Variants in FBXO15 observed in about 807,000 individuals in gnomAD.
The protein encoded by FBXO15 is F-box only protein 15.
In FBXO15, 30 loss-of-function variants were observed where a neutral mutation model predicts 49.5. The ratio of observed to expected loss-of-function variants is 0.61; its 90% confidence interval spans 0.45 to 0.82. The LOEUF (loss-of-function observed/expected upper bound fraction) is 0.82, where lower values mean the gene tolerates loss of function less well. Among genes scored for constraint, FBXO15 ranks in the 40% least tolerant of loss-of-function variants. FBXO15 has a pLI of 0.00. For synonymous variants in FBXO15, 250 were observed against 232.7 expected, an observed-to-expected ratio of 1.07 and a Z score of -0.68; for missense variants, 591 against 631.5, an observed-to-expected ratio of 0.94 and a Z score of 0.69.
Position 74,125,873 on chromosome 18 carries a change from A to C in FBXO15, c.912+102T>G. 6 of 1,487,864 alleles carry C rather than the reference A, an allele frequency of 4.0e-6. No individual in the cohort carries two copies. The South Asian group carries it at 7.6e-5, about 19-fold the overall frequency. The allele number at this position is 1,487,864 out of a possible 1,614,324, so 92.2% of individuals were successfully genotyped here. ...ATGGTAAAATGGATTGCAGTTAGTGAAAAGCTTAAAGGATTTTACATTTGA... is the reference window on the plus strand; with the variant it reads ...ATGGTAAAATGGATTGCAGTTAGTGCAAAGCTTAAAGGATTTTACATTTGA... On this transcript the variant is annotated intron_variant, in intron 6 of 9. Coordinates refer to ENST00000419743, the MANE Select transcript of FBXO15 (RefSeq NM_001142958.2).
intron 9 of FBXO15, among the ~76,000 whole-genome samples, chr18:74,078,197 A>T (rs945747641): frequency 1.3e-5 from 2 of 152,090 alleles, no homozygotes; most frequent in African/African-American, 4.8e-5. Flanking sequence ...AAGCCCTCCT[A>T]GTTCTCAAAG....
rs538387307 is a variant in FBXO15 at position 74,074,447 on chromosome 18, C to T, written c.1264-717G>A. ...CTGGTCAACTCCATGACCTCCTCCT[C>T]GACTTGACCTCAGTTATTCACTCCC... On this transcript the variant is annotated intron_variant, in intron 9 of 9. Coordinates refer to ENST00000419743, the MANE Select transcript of FBXO15 (RefSeq NM_001142958.2). The surrounding 1 kb of genome is among the most constrained non-coding windows in gnomAD (Gnocchi z 4.7). Among the ~76,000 whole-genome samples the T allele has an allele frequency of 5.8e-4, 89 of 152,308 alleles. No individual in the cohort carries two copies. Among genetic ancestry groups the T allele is most frequent in the Admixed American group, 5.4e-3 (83 of 15,306 alleles).
rs1049655561 is a variant in FBXO15, at chr18:74,074,416, C to A, written c.1264-686G>T. Among the ~76,000 whole-genome samples the A allele has an allele frequency of 6.6e-6, 1 of 152,212 alleles. No individual in the cohort carries two copies. Among genetic ancestry groups the A allele is most frequent in the Non-Finnish European group, 1.5e-5 (1 of 68,042 alleles). On this transcript the variant is annotated intron_variant, in intron 9 of 9. Coordinates refer to ENST00000419743, the MANE Select transcript of FBXO15 (RefSeq NM_001142958.2). The surrounding 1 kb of genome is among the most constrained non-coding windows in gnomAD (Gnocchi z 4.7). ...CCTCCAGTATCCTGGACTCTCAACT[C>A]CTGAGCTGGTCAACTCCATGACCTC...
At chr18:74,123,816 G>A (rs188211383) in intron 7 of FBXO15, among the ~76,000 whole-genome samples, 3 of 152,216 alleles carry the variant, frequency 2.0e-5, no homozygotes, top group Non-Finnish European at 1.5e-5. Flanking sequence ...TCTGCCCTCC[G>A]TGTTGTTCTC....
intron 5 of FBXO15, among the ~76,000 whole-genome samples, chr18:74,128,954 A>G (rs1178969444): frequency 3.9e-5 from 6 of 152,228 alleles, no homozygotes; most frequent in African/African-American, 1.4e-4. Flanking sequence ...GGAGACACAG[A>G]AAGAGTAAGT....
Position 74,117,371 on chromosome 18 carries a change from C to T in FBXO15, c.1138+5997G>A, listed in dbSNP as rs569147852. Among the ~76,000 whole-genome samples the T allele has an allele frequency of 4.6e-5, 7 of 152,202 alleles. No homozygotes were observed. The East Asian group carries it at 1.3e-3, about 29-fold the overall frequency. On this transcript the variant is annotated intron_variant, in intron 8 of 9. Transcript: ENST00000419743. ...ATATAACCATCAAGGGGTTTATTAA[C>T]GTTAACACAAAATTGGCTTAAATGT...
chr18:74,112,553 T>G (rs1470807271), intron 8 of FBXO15, among the ~76,000 whole-genome samples: 4 of 152,216 alleles, frequency 2.6e-5, no homozygotes, highest in Non-Finnish European at 5.9e-5. Context: ...TAGTTAACAT[T>G]GTGCTTTATG....
At chr18:74,121,869 A>C (rs1914484814) in intron 8 of FBXO15, among the ~76,000 whole-genome samples, 1 of 152,240 alleles carries the variant, frequency 6.6e-6, no homozygotes, top group South Asian at 2.1e-4. Flanking sequence ...GAAGCTAATG[A>C]CTAACAGAAA....
rs539700529 is a variant in FBXO15, at chr18:74,074,242, A to C, written c.1264-512T>G. 2.3e-4 allele frequency among the ~76,000 whole-genome samples: 35 copies of C among 152,254 alleles called. No homozygotes were observed. Among genetic ancestry groups the C allele is most frequent in the African/African-American group, 7.9e-4 (33 of 41,558 alleles). On this transcript the variant is annotated intron_variant, in intron 9 of 9. Coordinates refer to ENST00000419743, the MANE Select transcript of FBXO15 (RefSeq NM_001142958.2). This position sits in a 1 kb window ranked among gnomAD's most constrained non-coding sequence, Gnocchi z 4.7. ...CACCCATGCTCCATGCCTGTCTCTG[A>C]CATGTGCCAGCCTCCTGTCCACCCA... is the stretch of plus-strand genomic sequence containing the variant.
chr18:74,123,026 G>A, intron 8 of FBXO15: 1 of 194,492 alleles, frequency 5.1e-6, no homozygotes, highest in Non-Finnish European at 1.0e-5. Flanking sequence ...GGCCCTGCTG[G>A]CAAATTTACC....
chr18:74,074,378 G>C lies in FBXO15; in HGVS notation c.1264-648C>G, dbSNP rs1211377741. 6.6e-6 allele frequency among the ~76,000 whole-genome samples: 1 copy of C among 152,166 alleles called. No homozygotes were observed. On this transcript the variant is annotated intron_variant, in intron 9 of 9. Transcript: ENST00000419743. This position sits in a 1 kb window ranked among gnomAD's most constrained non-coding sequence, Gnocchi z 4.7. The stretch of plus-strand genomic sequence containing the variant: ...CCCAAGTGATCCCAACATCCGTGGG[G>C]ACCCTGGTGGAGCCTCCAGTATCCT...
At chr18:74,143,051 C>G (rs1376601260) in intron 1 of FBXO15, among the ~76,000 whole-genome samples, 2 of 152,162 alleles carry the variant, frequency 1.3e-5, no homozygotes, top group African/African-American at 4.8e-5. Context: ...ATCAGGAGCT[C>G]CAAACCTGTA....
chr18:74,106,225 T>C (rs1208536056), intron 8 of FBXO15, among the ~76,000 whole-genome samples: 1 of 152,082 alleles, frequency 6.6e-6, no homozygotes, highest in African/African-American at 2.4e-5. Flanking sequence ...AAAGAAAATA[T>C]AGCTGAGTAT....
At chr18:74,117,783 A>C (rs1291832632) in intron 8 of FBXO15, among the ~76,000 whole-genome samples, 1 of 152,210 alleles carries the variant, frequency 6.6e-6, no homozygotes, top group Admixed American at 6.5e-5. Context: ...CGTATTCATC[A>C]TTATTAAGGG....
intron 3 of FBXO15, among the ~76,000 whole-genome samples, chr18:74,134,431 C>T (rs1476620901): frequency 1.4e-5 from 2 of 141,154 alleles, no homozygotes; most frequent in African/African-American, 2.7e-5. Context: ...AGTGCAGTGG[C>T]GATCTCAGCT....
chr18:74,124,069 C>T (rs772599197), intron 7 of FBXO15, among the ~76,000 whole-genome samples: 21 of 151,878 alleles, frequency 1.4e-4, no homozygotes, highest in Non-Finnish European at 2.5e-4. Context: ...GAAGCCTGTG[C>T]GCCACCTAAA....
At chr18:74,145,440 T>C (rs1341142395) in intron 1 of FBXO15, among the ~76,000 whole-genome samples, 4 of 152,152 alleles carry the variant, frequency 2.6e-5, no homozygotes, top group East Asian at 1.9e-4. Context: ...GGTCCCAAGC[T>C]AGAAGCAAAG....
rs758709331 is a variant in FBXO15, at chr18:74,129,514, C to G, written c.676G>C (p.Val226Leu). 17 of 1,613,708 alleles carry G rather than the reference C, an allele frequency of 1.1e-5. No individual in the cohort carries two copies. In the African/African-American group the frequency reaches 2.1e-4, roughly 20 times the overall value. Residue 226 changes from valine to leucine, a missense_variant, in exon 5 of 10, where the codon GTT becomes CTT. By Grantham distance (32) the Val-to-Leu change is conservative. Coordinates refer to ENST00000419743, the MANE Select transcript of FBXO15 (RefSeq NM_001142958.2). ...GGCCATTTTTTGCCATACCATATAA[C>G]AGTAACTGATGTGTCATTTATGGAA... ...DLSINDTSVTVIWYGKKWPCL... is the reference protein window; with the variant it reads ...DLSINDTSVTLIWYGKKWPCL...
intron 8 of FBXO15, among the ~76,000 whole-genome samples, chr18:74,122,181 A>C (rs1202137748): frequency 6.6e-6 from 1 of 152,140 alleles, no homozygotes; most frequent in Non-Finnish European, 1.5e-5. Flanking sequence ...TCCACTCCCT[A>C]CACCTTTTCT....
Sources: gnomAD v4.1 joint callset for allele counts (sites outside exome capture counted in the v4.1 genomes callset) on GRCh38, gnomAD v4.1.1 for gene constraint, Gnocchi (gnomAD v3.1) non-coding constraint, MANE v1.5 for transcripts, NCBI Gene and HGNC (gene_info 2026-07-23, HGNC 2026-07-21) for gene names.